Variants in CHD7 observed in about 807,000 individuals in gnomAD.
CHD7 encodes chromodomain helicase DNA binding protein 7.
Under a neutral mutation model 307.3 loss-of-function variants are expected in CHD7, and 24 were observed. The ratio of observed to expected loss-of-function variants is 0.08; its 90% CI spans 0.06 to 0.11. CHD7 has a LOEUF of 0.11. Among genes scored for constraint, CHD7 ranks in the 10% least tolerant of loss-of-function variants. CHD7 has a pLI of 1.00. For synonymous variants in CHD7, 1,363 were observed against 1,349.9 expected, an observed-to-expected ratio of 1.01 and a Z score of -0.21; for missense variants, 3,106 against 3,727.1, an observed-to-expected ratio of 0.83 and a Z score of 4.34.
In CHD7 at chr8:60,856,135, T is replaced by G. The variant is rs541818422; in HGVS notation, c.7097T>G (p.Leu2366Arg). 1.9e-6 allele frequency: 3 copies of G among 1,609,150 alleles called. No individual in the cohort carries two copies. Among genetic ancestry groups the G allele is most frequent in the Middle Eastern group, 1.7e-4 (1 of 6,054 alleles). The change falls in exon 33 of 38, where the codon CTC becomes CGC. Residue 2366 changes from leucine to arginine, a missense_variant. Transcript: ENST00000423902. Reference sequence around the variant, plus strand: ...TTGCAGAAGAGGAGCTTTGCTGAGCTCTCCATGGTCGGCCAAGCCAGCATT... The same window carrying G: ...TTGCAGAAGAGGAGCTTTGCTGAGCGCTCCATGGTCGGCCAAGCCAGCATT... ...SPLQKRSFAE[L>R]SMVGQASISG...
intron 9 of CHD7, among the ~76,000 whole-genome samples, chr8:60,821,181 A>G (rs1032588463): frequency 6.6e-6 from 1 of 152,230 alleles, no homozygotes; most frequent in Non-Finnish European, 1.5e-5. Context: ...TTATGTAAAC[A>G]TTGAAATATG....
intron 3 of CHD7, among the ~76,000 whole-genome samples, chr8:60,791,594 A>G (rs931966958): frequency 3.9e-5 from 6 of 152,336 alleles, no homozygotes; most frequent in Admixed American, 3.3e-4. Context: ...ATAAAAGACT[A>G]GTTTTGACCC....
chr8:60,729,593 G>A (rs1808335746), intron 1 of CHD7, among the ~76,000 whole-genome samples: 1 of 152,172 alleles, frequency 6.6e-6, no homozygotes, highest in African/African-American at 2.4e-5. Flanking sequence ...ATGGGTGGGT[G>A]CAGCAGTCTT....
chr8:60,740,163 A>C (rs1444654863), intron 1 of CHD7, among the ~76,000 whole-genome samples: 5 of 152,262 alleles, frequency 3.3e-5, no homozygotes, highest in Non-Finnish European at 7.3e-5. Context: ...AGCATGTTAC[A>C]TAGTGTACAC....
At chr8:60,830,234 A>C (rs1460301223) in intron 14 of CHD7, 88 bp from the exon 15 acceptor site, 2 of 1,328,920 alleles carry the variant, frequency 1.5e-6, no homozygotes, top group East Asian at 4.6e-5. Context: ...TGTTTAATGA[A>C]TGAGATAATC....
intron 1 of CHD7, among the ~76,000 whole-genome samples, chr8:60,707,277 G>T (rs897278963): frequency 1.3e-5 from 2 of 152,152 alleles, no homozygotes; most frequent in Non-Finnish European, 2.9e-5. Context: ...TAGATTTATT[G>T]ATAGTGATTT....
intron 3 of CHD7, among the ~76,000 whole-genome samples, chr8:60,789,709 C>G (rs567726443): frequency 2.0e-4 from 31 of 152,326 alleles, no homozygotes; most frequent in African/African-American, 3.4e-4. Context: ...TTGTATCAAG[C>G]TTTGTTTAGA....
intron 1 of CHD7, among the ~76,000 whole-genome samples, chr8:60,714,026 A>G (rs1192408784): frequency 6.6e-6 from 1 of 152,188 alleles, no homozygotes; most frequent in Non-Finnish European, 1.5e-5. Context: ...CCTTCATTCC[A>G]AAACCCCAGA....
At chr8:60,771,308 C>T (rs1810699700) in intron 2 of CHD7, among the ~76,000 whole-genome samples, 1 of 152,182 alleles carries the variant, frequency 6.6e-6, no homozygotes, top group Non-Finnish European at 1.5e-5. Context: ...ATCTCTCATT[C>T]AAAATGCTTG....
chr8:60,779,478 G>A (rs1265922899), intron 2 of CHD7, among the ~76,000 whole-genome samples: 1 of 152,150 alleles, frequency 6.6e-6, no homozygotes, highest in Non-Finnish European at 1.5e-5. Flanking sequence ...CACCTTCTTG[G>A]ACTTTTCCTT....
At chr8:60,712,916 TG>T (rs1014853518) in intron 1 of CHD7, among the ~76,000 whole-genome samples, 27 of 151,810 alleles carry the variant, frequency 1.8e-4, no homozygotes, top group Admixed American at 1.5e-3. Flanking sequence ...CTGGGTGTGG[TG>T]GTGTGTGGCT....
chr8:60,827,975 T>A (rs952747356), intron 13 of CHD7, among the ~76,000 whole-genome samples: 2 of 152,136 alleles, frequency 1.3e-5, no homozygotes, highest in African/African-American at 4.8e-5. Context: ...GTAAAACAGC[T>A]CTTCTGTATT....
intron 14 of CHD7, among the ~76,000 whole-genome samples, 179 bp from the exon 15 acceptor site, chr8:60,830,143 C>T (rs1804438700): frequency 6.6e-6 from 1 of 152,234 alleles, no homozygotes; most frequent in African/African-American, 2.4e-5. Flanking sequence ...TAAAATTATG[C>T]AACCTTCATG....
At chr8:60,683,605 T>C (rs1805737306) in intron 1 of CHD7, among the ~76,000 whole-genome samples, 1 of 152,244 alleles carries the variant, frequency 6.6e-6, no homozygotes, top group African/African-American at 2.4e-5. Flanking sequence ...CTTAGAGAGC[T>C]AGTTGAACTT....
At chr8:60,699,457 TC>T (rs1261920205) in intron 1 of CHD7, among the ~76,000 whole-genome samples, 6 of 152,218 alleles carry the variant, frequency 3.9e-5, no homozygotes, top group Non-Finnish European at 8.8e-5. Flanking sequence ...CTGTTTTGTT[TC>T]TAATCACCTA....
rs1480767493 is a variant in CHD7, at chr8:60,828,598, G to A, written c.3379-65G>A. On this transcript the variant is annotated intron_variant, in intron 13 of 37. Coordinates refer to ENST00000423902, the MANE Select transcript of CHD7 (RefSeq NM_017780.4). The stretch of plus-strand genomic sequence containing the variant: ...GTAGAACAATGGGTGTCTAGTGAGA[G>A]GCTCTGGTTTTAAGAAAGTGTTTTT... 9 of 1,458,936 alleles carry A rather than the reference G, an allele frequency of 6.2e-6. No homozygotes were observed. In the Admixed American group the frequency reaches 9.0e-5, roughly 15 times the overall value. 90.4% of individuals were successfully genotyped at this position (1,458,936 alleles called of 1,614,324 possible).
chr8:60,841,568 A>G, intron 19 of CHD7, 76 bp from the exon 20 acceptor site: 1 of 1,113,948 alleles, frequency 9.0e-7, no homozygotes, highest in African/African-American at 1.5e-5. Context: ...CGGAGCAAAT[A>G]CATAAACAAA....
chr8:60,725,189 G>A (rs867722288), intron 1 of CHD7, among the ~76,000 whole-genome samples: 5 of 152,324 alleles, frequency 3.3e-5, no homozygotes, highest in African/African-American at 4.8e-5. Context: ...CTAAACTCTG[G>A]ATTTCAGATG....
intron 2 of CHD7, among the ~76,000 whole-genome samples, chr8:60,779,677 T>G (rs1482572029): frequency 6.6e-6 from 1 of 152,220 alleles, no homozygotes; most frequent in Admixed American, 6.5e-5. Flanking sequence ...TTTCTCGTAG[T>G]AAGCCTTGGC....
Sources: allele counts gnomAD v4.1 joint callset (sites outside exome capture counted in the v4.1 genomes callset), GRCh38; gene constraint gnomAD v4.1.1; transcripts MANE v1.5; gene names NCBI Gene and HGNC (gene_info 2026-07-23, HGNC 2026-07-21).